The following DCBLD2 variants were observed in gnomAD, a reference collection of about 807,000 sequenced individuals.
The protein encoded by DCBLD2 is discoidin, CUB and LCCL domain containing 2.
Under a neutral mutation model 86.8 loss-of-function variants are expected in DCBLD2, and 54 were observed. The ratio of observed to expected loss-of-function variants is 0.62; its 90% confidence interval spans 0.50 to 0.78. The LOEUF (loss-of-function observed/expected upper bound fraction) is 0.78, where lower values mean the gene tolerates loss of function less well. Among genes scored for constraint, DCBLD2 ranks in the 30% least tolerant of loss-of-function variants. DCBLD2 has a pLI of 0.00. For synonymous variants in DCBLD2, 354 were observed against 341.3 expected (o/e 1.04, Z -0.41); for missense variants, 908 against 954.2 (o/e 0.95, Z 0.64).
At chr3:98,835,569 G>A (rs1942423596) in intron 3 of DCBLD2, among the ~76,000 whole-genome samples, 1 of 145,272 alleles carries the variant, frequency 6.9e-6, no homozygotes, top group South Asian at 2.2e-4. Flanking sequence ...TTTTTTTTGA[G>A]ACAGAGTTTC....
At chr3:98,830,766 C>A (rs981892828) in intron 3 of DCBLD2, among the ~76,000 whole-genome samples, 2 of 152,098 alleles carry the variant, frequency 1.3e-5, no homozygotes, top group Admixed American at 1.3e-4. Context: ...TTTTCTAGTT[C>A]TGTGAAGAAT....
chr3:98,818,009 T>C, intron 8 of DCBLD2, 116 bp from the exon 9 acceptor site: 4 of 1,300,744 alleles, frequency 3.1e-6, no homozygotes, highest in East Asian at 2.6e-5. Context: ...TTATGGCTCA[T>C]TTCCATATCC....
At chr3:98,856,561 TC>T (rs112305949) in intron 2 of DCBLD2, among the ~76,000 whole-genome samples, 8 of 151,806 alleles carry the variant, frequency 5.3e-5, no homozygotes, top group African/African-American at 1.9e-4. Flanking sequence ...GAAAACCCTC[TC>T]CCCCTATAAA....
At chr3:98,813,622 C>T (rs1941977762) in intron 9 of DCBLD2, 1 of 152,104 alleles carries the variant, frequency 6.6e-6, no homozygotes, top group South Asian at 2.1e-4. Context: ...CCTAGACCTC[C>T]CCCAAAATGC....
chr3:98,858,920 T>C (rs1942987602), intron 2 of DCBLD2, among the ~76,000 whole-genome samples: 1 of 152,036 alleles, frequency 6.6e-6, no homozygotes, highest in African/African-American at 2.4e-5. Flanking sequence ...CCAACTGAGG[T>C]ACTGGCATCG....
chr3:98,884,852 C>T (rs952682349), intron 1 of DCBLD2, among the ~76,000 whole-genome samples: 10 of 152,128 alleles, frequency 6.6e-5, no homozygotes, highest in African/African-American at 2.4e-4. Context: ...CAGATTGTCA[C>T]ACTTAAGGTA....
chr3:98,822,609 T>C, intron 5 of DCBLD2, 60 bp downstream of exon 5: 5 of 1,465,390 alleles, frequency 3.4e-6, no homozygotes, highest in Non-Finnish European at 4.6e-6. Flanking sequence ...CTAACTACTC[T>C]GGAGTTCTAA....
intron 3 of DCBLD2, among the ~76,000 whole-genome samples, chr3:98,838,987 T>C (rs892711260): frequency 1.0e-4 from 15 of 149,142 alleles, no homozygotes; most frequent in African/African-American, 3.2e-4. Flanking sequence ...ATGGCAGCAG[T>C]ACAGTCCAGC....
intron 6 of DCBLD2, chr3:98,820,738 G>A (rs1001997448): frequency 6.7e-6 from 1 of 148,926 alleles, no homozygotes; most frequent in Non-Finnish European, 1.5e-5. Context: ...ATAAACATGA[G>A]AAAAGTTGGG....
At chr3:98,844,460 C>T (rs2919236) in intron 3 of DCBLD2, among the ~76,000 whole-genome samples, 65,507 of 151,214 alleles carry the variant, frequency 0.43, 14,370 homozygotes, top group African/African-American at 0.46. Flanking sequence ...CGGGTACAAA[C>T]AAACGATTCT....
chr3:98,860,717 A>G (rs375032189), intron 2 of DCBLD2, among the ~76,000 whole-genome samples: 4 of 152,166 alleles, frequency 2.6e-5, no homozygotes, highest in East Asian at 1.9e-4. Flanking sequence ...AAGAGCTCCT[A>G]AAGGAAGCAC....
At chr3:98,824,044 G>A (rs1576164700) in intron 4 of DCBLD2, among the ~76,000 whole-genome samples, 2 of 152,152 alleles carry the variant, frequency 1.3e-5, no homozygotes, top group South Asian at 2.1e-4. Context: ...GTGTGTGTCC[G>A]GAAGTGGGGA....
rs576129899 is a variant in DCBLD2, at chr3:98,800,565, T to G, written c.1858+14A>C. 142 of 1,608,738 alleles carry G rather than the reference T, an allele frequency of 8.8e-5. 1 individual carries two copies. The Middle Eastern group carries it at 2.2e-3, about 24-fold the overall frequency. On this transcript the variant is annotated intron_variant, in intron 15 of 15. Coordinates refer to ENST00000326840, the MANE Select transcript of DCBLD2 (RefSeq NM_080927.4). Reference sequence around the variant, plus strand: ...CTCCCTCTGCCTGGTACCAGAAGGCTGCAACATAGTTACCTGCAGAGTCAG... The same window carrying G: ...CTCCCTCTGCCTGGTACCAGAAGGCGGCAACATAGTTACCTGCAGAGTCAG...
chr3:98,817,853 G>A lies in DCBLD2; in HGVS notation c.1128C>T (p.Tyr376=). ...TTGSTMVEHN[Y]YVSAYRILYS... ...ACAGGATTCTGTAGGCAGACACATA[G>A]TAATTGTGCTCCACCATGGTGGATC... Residue 376 remains tyrosine, a synonymous_variant, in exon 9 of 16, where the codon TAC becomes TAT. Coordinates refer to ENST00000326840, the MANE Select transcript of DCBLD2 (RefSeq NM_080927.4). 3.1e-6 allele frequency: 5 copies of A among 1,613,704 alleles called. No homozygotes were observed. The highest frequency in any genetic ancestry group is 4.2e-6 in the Non-Finnish European group (5 of 1,179,732).
At chr3:98,847,966 T>C (rs1440801890) in intron 3 of DCBLD2, among the ~76,000 whole-genome samples, 3 of 152,222 alleles carry the variant, frequency 2.0e-5, no homozygotes, top group South Asian at 2.1e-4. Flanking sequence ...TTTTATTCTA[T>C]TTGATAATCT....
chr3:98,846,991 T>C (rs1942738375), intron 3 of DCBLD2, among the ~76,000 whole-genome samples: 2 of 152,212 alleles, frequency 1.3e-5, no homozygotes, highest in Non-Finnish European at 2.9e-5. Context: ...AGAAACTTAA[T>C]GAAAATAAGA....
rs749194599 is a variant in DCBLD2, at chr3:98,820,304, GT to G, written c.831-17del. 1.3e-4 allele frequency: 191 copies of G among 1,449,268 alleles called. No homozygotes were observed. Among genetic ancestry groups the G allele is most frequent in the South Asian group, 4.7e-4 (27 of 56,866 alleles). The allele number at this position is 1,449,268 out of a possible 1,614,324, so 89.8% of individuals were successfully genotyped here. On this transcript the variant is annotated splice_polypyrimidine_tract_variant and intron_variant, in intron 6 of 15. Coordinates refer to ENST00000326840, the MANE Select transcript of DCBLD2 (RefSeq NM_080927.4). ...TAAGTGTCCCCTGAAAGAGAGAAGGGTTTTTTTTGGTGATACTCACATAACA... is the reference window on the plus strand; with the variant it reads ...TAAGTGTCCCCTGAAAGAGAGAAGGGTTTTTTTGGTGATACTCACATAACA...
rs748403897 is a variant in DCBLD2, at chr3:98,822,348, C to T, written c.710G>A (p.Cys237Tyr). The T allele has an allele frequency of 6.2e-7, 1 of 1,613,394 alleles. No homozygotes were observed. Among genetic ancestry groups the T allele is most frequent in the Non-Finnish European group, 8.5e-7 (1 of 1,179,752 alleles). ...TACTCCTGCATGCACACCAGCCATG[C>T]ACAATGGCGAGGACTTAAGGAAGGG... ...PHGYRDSSPLCMAGVHAGVVS... is the reference protein window; with the variant it reads ...PHGYRDSSPLYMAGVHAGVVS... Residue 237 changes from cysteine to tyrosine, a missense_variant, in exon 6 of 16, where the codon TGC (cysteine) becomes TAC (tyrosine). By Grantham distance (194) the Cys-to-Tyr change is radical (BLOSUM62 -2). Coordinates refer to ENST00000326840, the MANE Select transcript of DCBLD2 (RefSeq NM_080927.4).
intron 3 of DCBLD2, among the ~76,000 whole-genome samples, chr3:98,826,356 C>T (rs935638081): frequency 1.5e-4 from 23 of 152,214 alleles, no homozygotes; most frequent in African/African-American, 4.8e-4. Context: ...GCACAAGCTG[C>T]TCTCTCGACT....
Sources: allele counts gnomAD v4.1 joint callset (sites outside exome capture counted in the v4.1 genomes callset), GRCh38; gene constraint gnomAD v4.1.1; transcripts MANE v1.5; gene names NCBI Gene and HGNC (gene_info 2026-07-23, HGNC 2026-07-21).